MGAT4C: variants seen among roughly 807,000 people sequenced by gnomAD.
The protein encoded by MGAT4C is alpha-1,3-mannosyl-glycoprotein 4-beta-N-acetylglucosaminyltransferase C.
Under a neutral mutation model 40.1 loss-of-function variants are expected in MGAT4C, and 19 were observed. The observed-to-expected ratio is 0.47, with a 90% CI of 0.33 to 0.70. The LOEUF (loss-of-function observed/expected upper bound fraction) is 0.70. MGAT4C is among the 30% of genes least tolerant of loss of function. The pLI is 0.02. For synonymous variants in MGAT4C, 181 were observed against 187.1 expected (o/e 0.97, Z 0.27); for missense variants, 491 against 563.2 (o/e 0.87, Z 1.30).
rs1442851871 is a variant in MGAT4C, at chr12:86,584,783, G to T, written c.-229+142426C>A. Among the ~76,000 whole-genome samples, 3 of 151,330 alleles carry T rather than the reference G, an allele frequency of 2.0e-5. No homozygotes were observed. In the East Asian group the frequency reaches 5.8e-4, roughly 29 times the overall value. ...GCAACACTGAATATCATCAATCTCAGATTTCTGTCAACTTGATTGTTTAAA... is the reference window on the plus strand; with the variant it reads ...GCAACACTGAATATCATCAATCTCATATTTCTGTCAACTTGATTGTTTAAA... On this transcript the variant is annotated intron_variant, in intron 2 of 7. Transcript: ENST00000548651.
intron 1 of MGAT4C, among the ~76,000 whole-genome samples, chr12:86,230,462 T>G (rs1951268081): frequency 6.6e-6 from 1 of 152,174 alleles, no homozygotes; most frequent in Non-Finnish European, 1.5e-5. Context: ...ACATCCATCC[T>G]TTAACTCAAA....
chr12:86,788,558 A>G (rs1951972677), intron 1 of MGAT4C, among the ~76,000 whole-genome samples: 1 of 152,142 alleles, frequency 6.6e-6, no homozygotes, highest in South Asian at 2.1e-4. Flanking sequence ...TCCTGTCAAA[A>G]AATTCCTTTT....
intron 2 of MGAT4C, among the ~76,000 whole-genome samples, chr12:86,562,941 G>A (rs996961732): frequency 1.3e-5 from 2 of 152,254 alleles, no homozygotes; most frequent in Admixed American, 1.3e-4. Context: ...CTGAAACATG[G>A]ATAAAAAGAT....
intron 2 of MGAT4C, among the ~76,000 whole-genome samples, chr12:86,711,759 G>C (rs370324971): frequency 6.6e-6 from 1 of 152,086 alleles, no homozygotes; most frequent in East Asian, 1.9e-4. Flanking sequence ...AATTTAATAT[G>C]TCTCATATTT....
intron 2 of MGAT4C, among the ~76,000 whole-genome samples, chr12:86,626,305 C>T (rs997419218): frequency 6.6e-6 from 1 of 152,162 alleles, no homozygotes; most frequent in Non-Finnish European, 1.5e-5. Context: ...ACCTAATTCT[C>T]TTCCTGAACT....
intron 1 of MGAT4C, among the ~76,000 whole-genome samples, chr12:86,234,839 T>C (rs539752918): frequency 6.6e-6 from 1 of 152,164 alleles, no homozygotes; most frequent in South Asian, 2.1e-4. Context: ...TCAACATTTC[T>C]CAGTTTTTGT....
chr12:86,832,642 C>A (rs947014259), intron 1 of MGAT4C, among the ~76,000 whole-genome samples: 1 of 151,746 alleles, frequency 6.6e-6, no homozygotes, highest in African/African-American at 2.4e-5. Flanking sequence ...ATTTTTATAG[C>A]TTTTCTCATA....
chr12:86,399,345 A>C (rs964867215), intron 3 of MGAT4C, among the ~76,000 whole-genome samples: 1 of 141,774 alleles, frequency 7.1e-6, no homozygotes, highest in Non-Finnish European at 1.5e-5. Context: ...TGAGTGGCGC[A>C]ATCTCGGCTC....
chr12:86,086,044 A>G (rs1871762546), intron 1 of MGAT4C, among the ~76,000 whole-genome samples: 1 of 152,124 alleles, frequency 6.6e-6, no homozygotes, highest in African/African-American at 2.4e-5. Context: ...TACTGGGTAT[A>G]TACCCAAAAT....
At chr12:86,590,932 T>C (rs1180132910) in intron 2 of MGAT4C, among the ~76,000 whole-genome samples, 1 of 152,004 alleles carries the variant, frequency 6.6e-6, no homozygotes. Flanking sequence ...TTTTCAGCAC[T>C]TGGAAATGCA....
chr12:86,191,020 A>T (rs1432329350), intron 1 of MGAT4C, among the ~76,000 whole-genome samples: 1 of 151,610 alleles, frequency 6.6e-6, no homozygotes, highest in Non-Finnish European at 1.5e-5. Flanking sequence ...CCCGCCTCAC[A>T]AATGTTGAAC....
chr12:86,069,911 C>T (rs1035549709), intron 1 of MGAT4C, among the ~76,000 whole-genome samples: 3 of 151,944 alleles, frequency 2.0e-5, no homozygotes, highest in South Asian at 2.1e-4. Context: ...AGTTTTTCTA[C>T]ACAAAATTAA....
At position 86,055,366 on chromosome 12, in the gene MGAT4C, A is replaced by C. The variant is rs147426650; in HGVS notation, c.-56-5643T>G. Among the ~76,000 whole-genome samples, 495 of 152,202 alleles carry C rather than the reference A, an allele frequency of 3.3e-3. 11 individuals are homozygous for C. Among genetic ancestry groups the C allele is most frequent in the Non-Finnish European group, 5.6e-4 (38 of 67,966 alleles). The stretch of plus-strand genomic sequence containing the variant: ...ATGTGTAAAAATAATGCCAAATGTG[A>C]AATATTAAGTGACTAGAGAATATAT... On this transcript the variant is annotated intron_variant, in intron 1 of 4. Transcript: ENST00000611864.
chr12:86,767,616 T>A (rs1251767160), intron 1 of MGAT4C, among the ~76,000 whole-genome samples: 3 of 152,128 alleles, frequency 2.0e-5, no homozygotes, highest in Admixed American at 6.6e-5. Context: ...AAAAATCCTC[T>A]ATAAAATACT....
intron 1 of MGAT4C, among the ~76,000 whole-genome samples, chr12:86,077,874 C>G (rs773648316): frequency 2.2e-4 from 33 of 152,184 alleles, no homozygotes; most frequent in Non-Finnish European, 4.6e-4. Flanking sequence ...ATCACCCCAG[C>G]CAACACTGTA....
intron 1 of MGAT4C, among the ~76,000 whole-genome samples, chr12:86,137,185 A>T (rs1882093591): frequency 6.6e-6 from 1 of 151,934 alleles, no homozygotes; most frequent in South Asian, 2.1e-4. Context: ...TCCTTTCTTA[A>T]CTCTGTAACC....
Position 86,354,779 on chromosome 12 carries a change from G to A in MGAT4C, c.-119-20652C>T, listed in dbSNP as rs369589838. ...AAGGTATCATTATGTGTCCGGAGTT[G>A]GTTCCTTCTGGTGGGTTTGTGGTCT... On this transcript the variant is annotated intron_variant, in intron 3 of 7. Coordinates refer to the MGAT4C transcript ENST00000548651. Among the ~76,000 whole-genome samples, 5 of 152,148 alleles carry A rather than the reference G, an allele frequency of 3.3e-5. No homozygotes were observed. The East Asian group carries it at 9.6e-4, about 29-fold the overall frequency.
intron 1 of MGAT4C, among the ~76,000 whole-genome samples, chr12:86,126,520 T>C (rs545515584): frequency 7.2e-5 from 11 of 152,152 alleles, no homozygotes; most frequent in East Asian, 1.9e-4. Context: ...AAGTCAAATA[T>C]AGAAATAAGA....
In MGAT4C at chr12:86,644,283, C is replaced by G. The variant is rs1016077711; in HGVS notation, c.-229+82926G>C. Among the ~76,000 whole-genome samples, 16 of 151,698 alleles carry G rather than the reference C, an allele frequency of 1.1e-4. No individual in the cohort carries two copies. In the East Asian group the frequency reaches 2.9e-3, roughly 28 times the overall value. On this transcript the variant is annotated intron_variant, in intron 2 of 7. Transcript: ENST00000548651. The stretch of plus-strand genomic sequence containing the variant: ...CTTACTTAAAATTGATAAACAGACT[C>G]GAACAGGAATTCTCAAAGAGGATAT...
Sources: gnomAD v4.1 joint callset for allele counts (sites outside exome capture counted in the v4.1 genomes callset) on GRCh38, gnomAD v4.1.1 for gene constraint, MANE v1.5 for transcripts, NCBI Gene and HGNC (gene_info 2026-07-23, HGNC 2026-07-21) for gene names.